The following TTBK1 variants were observed in gnomAD, a reference collection of about 807,000 sequenced individuals.
TTBK1 encodes tau-tubulin kinase 1.
TTBK1 carries 34 observed loss-of-function variants against 108.5 expected under a neutral mutation model. The ratio of observed to expected loss-of-function variants is 0.31; its 90% CI spans 0.24 to 0.42. The LOEUF (loss-of-function observed/expected upper bound fraction) is 0.42. Among genes scored for constraint, TTBK1 ranks in the 10% least tolerant of loss-of-function variants. The pLI, the probability that TTBK1 is intolerant of heterozygous loss-of-function variation, is 1.00. For synonymous variants in TTBK1, 809 were observed against 795.1 expected (o/e 1.02, Z -0.29); for missense variants, 1,539 against 1,826.0 (o/e 0.84, Z 2.86).
Position 43,254,613 on chromosome 6 carries a change from G to T in TTBK1, c.538G>T (p.Ala180Ser). The change falls in exon 6 of 15, where the codon GCC (alanine) becomes TCC (serine). Residue 180 changes from alanine (A) to serine (S), a missense_variant. By Grantham distance (99) the Ala-to-Ser change is moderately conservative. Coordinates refer to ENST00000259750, the MANE Select transcript of TTBK1 (RefSeq NM_032538.3). The stretch of plus-strand genomic sequence containing the variant: ...GTGCTATATGCTGGACTTCGGGCTG[G>T]CCCGGCAGTACACCAACACCACGGG... The part of the protein sequence containing the change: ...RKCYMLDFGL[A>S]RQYTNTTGDV... 6.3e-7 allele frequency: 1 copy of T among 1,591,208 alleles called. No homozygotes were observed. Among genetic ancestry groups the T allele is most frequent in the Non-Finnish European group, 8.5e-7 (1 of 1,170,672 alleles).
rs1352654402 is a variant in TTBK1, at chr6:43,269,846, C to T, written c.1986+6496C>T. ...GCCCTGTGCGGGCGCCCCACCGGCG[C>T]CACGCGCCCCTCGCTGCTGGCAACC... On this transcript the variant is annotated intron_variant, in intron 13 of 14. Transcript: ENST00000259750. This position sits in a 1 kb window ranked among gnomAD's most constrained non-coding sequence, Gnocchi z 4.8. 2 of 1,534,496 alleles carry T rather than the reference C, an allele frequency of 1.3e-6. No homozygotes were observed. The highest frequency in any genetic ancestry group is 4.9e-5 in the East Asian group (2 of 40,804).
chr6:43,248,285 G>A (rs983499656), intron 2 of TTBK1, among the ~76,000 whole-genome samples: 1 of 152,118 alleles, frequency 6.6e-6, no homozygotes, highest in African/African-American at 2.4e-5. Flanking sequence ...GAGAGGGTGA[G>A]GGGCCACATG....
chr6:43,247,702 C>G (rs1398450740), intron 2 of TTBK1, among the ~76,000 whole-genome samples: 1 of 152,078 alleles, frequency 6.6e-6, no homozygotes. Context: ...AGTGGGGAGG[C>G]TCAGTTCACG....
At position 43,253,375 on chromosome 6, in the gene TTBK1, G is replaced by GT; in HGVS notation, c.330+12dup. 6.2e-7 allele frequency: 1 copy of GT among 1,613,894 alleles called. No homozygotes were observed. The highest frequency in any genetic ancestry group is 8.5e-7 in the Non-Finnish European group (1 of 1,179,858). Reference sequence around the variant, plus strand: ...GTGATGCAGCTCCAGGTGAGTCCCCGTGGCCCATCCTCGCTCCCCTCTCTA... The same window carrying GT: ...GTGATGCAGCTCCAGGTGAGTCCCCGTTGGCCCATCCTCGCTCCCCTCTCTA... On this transcript the variant is annotated intron_variant, in intron 4 of 14. Transcript: ENST00000259750. This position sits in a 1 kb window ranked among gnomAD's most constrained non-coding sequence, Gnocchi z 5.8.
rs886980005 is a variant in TTBK1, at chr6:43,283,482, G to A, written c.2742G>A (p.Gly914=). ...LGAGTVTTGV[G]GVAVTSSPFT... Reference sequence around the variant, plus strand: ...CCGGGACAGTGACCACAGGGGTCGGGGGCGTGGCAGTCACCTCCTCACCCT... The same window carrying A: ...CCGGGACAGTGACCACAGGGGTCGGAGGCGTGGCAGTCACCTCCTCACCCT... Residue 914 remains glycine (G), a synonymous_variant, in exon 14 of 15, where the codon GGG becomes GGA. Transcript: ENST00000259750. The surrounding 1 kb of genome is among the most constrained non-coding windows in gnomAD (Gnocchi z 8.1). 1 of 1,614,140 alleles carries A rather than the reference G, an allele frequency of 6.2e-7. No individual in the cohort carries two copies. The highest frequency in any genetic ancestry group is 8.5e-7 in the Non-Finnish European group (1 of 1,179,978).
At chr6:43,251,592 T>C (rs1441663471) in intron 2 of TTBK1, among the ~76,000 whole-genome samples, 3 of 152,208 alleles carry the variant, frequency 2.0e-5, no homozygotes, top group Non-Finnish European at 4.4e-5. Context: ...TGAAATGATT[T>C]TGAGCCCCTC....
chr6:43,243,771 C>G lies in TTBK1; in HGVS notation c.-55+63C>G, dbSNP rs1206622238. ...GCTCCTTCGTGGGCTCAGGGGGCTC[C>G]GCCTGGCTCGCCTCCCAGCGCAGCC... is the stretch of plus-strand genomic sequence containing the variant. On this transcript the variant is annotated intron_variant, in intron 1 of 14. Coordinates refer to ENST00000259750, the MANE Select transcript of TTBK1 (RefSeq NM_032538.3). The surrounding 1 kb of genome is among the most constrained non-coding windows in gnomAD (Gnocchi z 5.5). The G allele has an allele frequency of 6.6e-6, 1 of 151,876 alleles. No homozygotes were observed. Among genetic ancestry groups the G allele is most frequent in the African/African-American group, 2.4e-5 (1 of 41,406 alleles). 9.4% of individuals were successfully genotyped at this position (151,876 alleles called of 1,614,324 possible).
At chr6:43,255,447 C>A in intron 7 of TTBK1, 105 bp from the exon 8 acceptor site, 2 of 1,065,298 alleles carry the variant, frequency 1.9e-6, no homozygotes, top group Non-Finnish European at 2.8e-6. Flanking sequence ...CCTTAGGGGC[C>A]TGGGTGTCAG....
Position 43,271,408 on chromosome 6 carries a change from A to G in TTBK1, c.1986+8058A>G, listed in dbSNP as rs569789259. On this transcript the variant is annotated intron_variant, in intron 13 of 14. Transcript: ENST00000259750. The stretch of plus-strand genomic sequence containing the variant: ...CCTCAATGTGACTGGCACGTGCGCA[A>G]GTTGCACAGTGCTGTATGAGTGTGT... The G allele has an allele frequency of 4.1e-6, 4 of 985,418 alleles. No individual in the cohort carries two copies. In the African/African-American group the frequency reaches 5.2e-5, roughly 13 times the overall value. 61.0% of individuals were successfully genotyped at this position (985,418 alleles called of 1,614,324 possible). A position where few individuals can be genotyped will look rare whatever the true frequency, so the allele number is the denominator to read the frequency against.
At position 43,265,663 on chromosome 6, in the gene TTBK1, A is replaced by G. The variant is rs1777657189; in HGVS notation, c.1986+2313A>G. On this transcript the variant is annotated intron_variant, in intron 13 of 14. Transcript: ENST00000259750. The surrounding 1 kb of genome is among the most constrained non-coding windows in gnomAD (Gnocchi z 4.1). ...ATTCATCCACACTCACTGAGTATTT[A>G]CTGTGTGCCATGTACCACAGGCATC... Among the ~76,000 whole-genome samples the G allele has an allele frequency of 6.6e-6, 1 of 152,162 alleles. No homozygotes were observed. The highest frequency in any genetic ancestry group is 6.5e-5 in the Admixed American group (1 of 15,278).
chr6:43,277,636 C>T (rs2651189), intron 13 of TTBK1, among the ~76,000 whole-genome samples: 3 of 152,038 alleles, frequency 2.0e-5, no homozygotes, highest in African/African-American at 4.8e-5. Flanking sequence ...GCCACGTTCC[C>T]GGGTCATCTT....
In TTBK1 at chr6:43,282,961, G is replaced by T. The variant is rs1238868102; in HGVS notation, c.2221G>T (p.Asp741Tyr). The T allele has an allele frequency of 6.2e-7, 1 of 1,607,916 alleles. No individual in the cohort carries two copies. The highest frequency in any genetic ancestry group is 8.5e-7 in the Non-Finnish European group (1 of 1,175,862). Residue 741 changes from aspartate to tyrosine, a missense_variant, in exon 14 of 15, where the codon GAT becomes TAT. Asp to Tyr is a radical substitution (Grantham distance 160, BLOSUM62 -3). Coordinates refer to ENST00000259750, the MANE Select transcript of TTBK1 (RefSeq NM_032538.3). This position sits in a 1 kb window ranked among gnomAD's most constrained non-coding sequence, Gnocchi z 5.4. ...GKEEEEEEEEDEEEEEEDEEE... is the reference protein window; with the variant it reads ...GKEEEEEEEEYEEEEEEDEEE... The stretch of plus-strand genomic sequence containing the variant: ...GGAGGAAGAGGAGGAGGAGGAGGAA[G>T]ATGAGGAAGAGGAAGAAGAGGATGA...
rs1777095809 is a variant in TTBK1, at chr6:43,246,674, C to A, written c.14C>A (p.Ala5Glu). The A allele has an allele frequency of 6.2e-7, 1 of 1,606,522 alleles. No individual in the cohort carries two copies. MQCL[A>E]AALKDETNMS... ...TCTGGCTGGCGGATGCAGTGCCTAG[C>A]GGCCGCCCTTAAGGACGAAACCAAC... The change falls in exon 2 of 15, where the codon GCG becomes GAG. Residue 5 changes from alanine (A) to glutamate (E), a missense_variant. Around this residue, in one of 5 missense-constraint regions of TTBK1, gnomAD observed 45 missense variants for 38.0 expected, o/e 1.19. Transcript: ENST00000259750.
chr6:43,267,939 A>G (rs1387742291), intron 13 of TTBK1, among the ~76,000 whole-genome samples: 1 of 152,220 alleles, frequency 6.6e-6, no homozygotes, highest in Non-Finnish European at 1.5e-5. Flanking sequence ...TTGGAGCTCA[A>G]GGTCACAAGC....
In TTBK1 at chr6:43,263,953, G is replaced by A. The variant is rs1458820880; in HGVS notation, c.1986+603G>A. 6.6e-6 allele frequency among the ~76,000 whole-genome samples: 1 copy of A among 152,194 alleles called. No homozygotes were observed. Among genetic ancestry groups the A allele is most frequent in the Non-Finnish European group, 1.5e-5 (1 of 68,026 alleles). On this transcript the variant is annotated intron_variant, in intron 13 of 14. Coordinates refer to ENST00000259750, the MANE Select transcript of TTBK1 (RefSeq NM_032538.3). This position sits in a 1 kb window ranked among gnomAD's most constrained non-coding sequence, Gnocchi z 4.7. Reference sequence around the variant, plus strand: ...GTGGCTTGGGCTGAGGTGGGGCTGTGGATGTGGGGCAAGGTGGATAGTGCC... The same window carrying A: ...GTGGCTTGGGCTGAGGTGGGGCTGTAGATGTGGGGCAAGGTGGATAGTGCC...
chr6:43,262,967 G>A lies in TTBK1; in HGVS notation c.1603G>A (p.Glu535Lys). Residue 535 changes from glutamate to lysine, a missense_variant, in exon 13 of 15, where the codon GAG (glutamate) becomes AAG (lysine). Around this residue, in one of 5 missense-constraint regions of TTBK1, gnomAD observed 7 missense variants for 20.7 expected, o/e 0.34. Transcript: ENST00000259750. ...CTTCCGCTCGGTGCCGCTGGCTGAG[G>A]AGGAGGATTTCGACAGCAAAGAGTG... ...NAFRSVPLAE[E>K]EDFDSKEWVI... is the part of the protein sequence containing the mutation. 1 of 1,613,668 alleles carries A rather than the reference G, an allele frequency of 6.2e-7. No homozygotes were observed. The highest frequency in any genetic ancestry group is 1.6e-4 in the Middle Eastern group (1 of 6,062).
chr6:43,270,460 C>CGTGT (rs1777802950), intron 13 of TTBK1: 6 of 746,308 alleles, frequency 8.0e-6, no homozygotes, highest in Non-Finnish European at 9.4e-6. Context: ...TGTGTGTGTC[C>CGTGT]CTGTGTATGG....
At chr6:43,252,666 A>C in intron 2 of TTBK1, 73 bp from the exon 3 acceptor site, 3 of 1,556,714 alleles carry the variant, frequency 1.9e-6, no homozygotes, top group Non-Finnish European at 2.6e-6. Context: ...TGAAGGATGC[A>C]ACCAAGCAGC....
Position 43,257,675 on chromosome 6 carries a change from C to A in TTBK1, c.862-137C>A. 1 of 755,230 alleles carries A rather than the reference C, an allele frequency of 1.3e-6. No homozygotes were observed. Among genetic ancestry groups the A allele is most frequent in the Non-Finnish European group, 2.2e-6 (1 of 460,566 alleles). The allele number at this position is 755,230 out of a possible 1,614,324, so 46.8% of individuals were successfully genotyped here. On this transcript the variant is annotated intron_variant, in intron 9 of 14. Coordinates refer to ENST00000259750, the MANE Select transcript of TTBK1 (RefSeq NM_032538.3). This position sits in a 1 kb window ranked among gnomAD's most constrained non-coding sequence, Gnocchi z 4.5. The stretch of plus-strand genomic sequence containing the variant: ...TCATTTAAAATCAATGTGCCGTTCT[C>A]CTTCCAATGCCCCCTCCAGGCCCAT...
Sources: gnomAD v4.1 joint callset for allele counts (sites outside exome capture counted in the v4.1 genomes callset) on GRCh38, gnomAD v4.1.1 for gene constraint, gnomAD v4.1.1 regional missense constraint, Gnocchi (gnomAD v3.1) non-coding constraint, MANE v1.5 for transcripts, NCBI Gene and HGNC (gene_info 2026-07-23, HGNC 2026-07-21) for gene names.